LEKR1: variants seen among roughly 807,000 people sequenced by gnomAD.
LEKR1 encodes the protein leucine, glutamate and lysine rich 1.
In LEKR1, 59 loss-of-function variants were observed where a neutral mutation model predicts 72.4. That is an observed-to-expected ratio of 0.82 (90% CI 0.66 to 1.01). The LOEUF (loss-of-function observed/expected upper bound fraction) is 1.01. Ranked by LOEUF, LEKR1 falls within the 50% of genes least tolerant of loss-of-function variation. The pLI is 0.00. For missense variants in LEKR1, 728 were observed against 759.2 expected (o/e 0.96, Z 0.48); for synonymous variants, 257 against 263.2 (o/e 0.98, Z 0.23).
intron 3 of LEKR1, among the ~76,000 whole-genome samples, chr3:156,909,083 G>A (rs79401563): frequency 1.3e-5 from 2 of 152,066 alleles, no homozygotes; most frequent in African/African-American, 4.8e-5. Context: ...CCTTTCACAT[G>A]GTTCTCATTC....
intron 5 of LEKR1, among the ~76,000 whole-genome samples, chr3:156,936,286 G>C (rs1297224580): frequency 1.3e-5 from 2 of 152,060 alleles, no homozygotes; most frequent in African/African-American, 4.8e-5. Context: ...ACTGGCCTCT[G>C]TGTTGCTGGC....
At chr3:156,899,304 A>G (rs1050370573) in intron 3 of LEKR1, among the ~76,000 whole-genome samples, 4 of 146,130 alleles carry the variant, frequency 2.7e-5, no homozygotes, top group Non-Finnish European at 6.0e-5. Context: ...ATACATATAT[A>G]CATACACACA....
chr3:156,897,223 T>C (rs999823678), intron 3 of LEKR1, among the ~76,000 whole-genome samples: 14 of 152,192 alleles, frequency 9.2e-5, no homozygotes, highest in African/African-American at 3.4e-4. Context: ...GGTTGGAATC[T>C]TACCCCAAGA....
At chr3:156,924,386 G>C in intron 4 of LEKR1, 1 of 520,486 alleles carries the variant, frequency 1.9e-6, no homozygotes, top group Non-Finnish European at 3.4e-6. Flanking sequence ...TATGAACTAT[G>C]ATTTGCAAAT....
intron 6 of LEKR1, among the ~76,000 whole-genome samples, chr3:156,953,268 C>A (rs1727328509): frequency 6.6e-6 from 1 of 151,340 alleles, no homozygotes; most frequent in Non-Finnish European, 1.5e-5. Flanking sequence ...CACAGTTTCC[C>A]CTATGGTTAA....
At chr3:156,889,486 T>C (rs1366205935) in intron 3 of LEKR1, among the ~76,000 whole-genome samples, 38 of 152,182 alleles carry the variant, frequency 2.5e-4, no homozygotes, top group Non-Finnish European at 5.4e-4. Context: ...AAGAGAAACA[T>C]GCCAACTCTT....
intron 9 of LEKR1, among the ~76,000 whole-genome samples, chr3:157,000,683 G>A (rs1313870757): frequency 6.6e-6 from 1 of 152,174 alleles, no homozygotes; most frequent in Non-Finnish European, 1.5e-5. Context: ...CACCGGCCAT[G>A]TAAGATATTC....
intron 5 of LEKR1, among the ~76,000 whole-genome samples, chr3:156,933,071 TGA>T (rs1223517638): frequency 2.0e-5 from 3 of 152,132 alleles, no homozygotes; most frequent in Admixed American, 2.0e-4. Context: ...GAGCAGACAC[TGA>T]GAGTGTGCTA....
intron 9 of LEKR1, among the ~76,000 whole-genome samples, chr3:157,001,826 A>C (rs961393202): frequency 2.6e-4 from 39 of 152,350 alleles, no homozygotes; most frequent in African/African-American, 9.4e-4. Flanking sequence ...AGGGAGTTGT[A>C]TTAACATATT....
At chr3:156,867,227 T>A in intron 3 of LEKR1, among the ~76,000 whole-genome samples, 1 of 152,246 alleles carries the variant, frequency 6.6e-6, no homozygotes, top group East Asian at 1.9e-4. Flanking sequence ...CTGAGATAGC[T>A]TATTATAAGT....
intron 5 of LEKR1, among the ~76,000 whole-genome samples, chr3:156,932,352 T>G (rs1479178885): frequency 1.3e-5 from 2 of 152,220 alleles, no homozygotes; most frequent in African/African-American, 4.8e-5. Flanking sequence ...GACAATATGC[T>G]TTTAAATTTG....
intron 5 of LEKR1, among the ~76,000 whole-genome samples, chr3:156,931,375 A>T (rs112926457): frequency 6.6e-6 from 1 of 152,166 alleles, no homozygotes; most frequent in Non-Finnish European, 1.5e-5. Context: ...AGAGTACTGG[A>T]ATCCTTTTAC....
In LEKR1 at chr3:157,011,524, T is replaced by C. The variant is rs1340866167; in HGVS notation, c.1203+18T>C. The C allele has an allele frequency of 6.6e-7, 1 of 1,516,816 alleles. No individual in the cohort carries two copies. The highest frequency in any genetic ancestry group is 9.2e-7 in the Non-Finnish European group (1 of 1,091,604). 94.0% of individuals were successfully genotyped at this position (1,516,816 alleles called of 1,614,324 possible). A position where few individuals can be genotyped will look rare whatever the true frequency, so the allele number is the denominator to read the frequency against. On this transcript the variant is annotated intron_variant, in intron 10 of 12. Coordinates refer to ENST00000356539, the MANE Select transcript of LEKR1 (RefSeq NM_001004316.3). Reference sequence around the variant, plus strand: ...AGGAGAAGGTAATGGTAGTGTGGCTTTCATCAGCATGCAACCTATTTGCAT... The same window carrying C: ...AGGAGAAGGTAATGGTAGTGTGGCTCTCATCAGCATGCAACCTATTTGCAT...
chr3:156,966,874 C>T (rs1728656842), intron 6 of LEKR1, among the ~76,000 whole-genome samples: 1 of 152,152 alleles, frequency 6.6e-6, no homozygotes, highest in Admixed American at 6.5e-5. Context: ...TGGGAGGCAC[C>T]CCCCAGTAGG....
chr3:156,906,519 T>C (rs1722553344), intron 3 of LEKR1, among the ~76,000 whole-genome samples: 3 of 152,216 alleles, frequency 2.0e-5, no homozygotes, highest in Admixed American at 2.0e-4. Flanking sequence ...TACATCAACA[T>C]AGTGTTCACA....
At chr3:156,861,026 G>A (rs937378210) in intron 3 of LEKR1, among the ~76,000 whole-genome samples, 3 of 152,126 alleles carry the variant, frequency 2.0e-5, no homozygotes, top group African/African-American at 7.2e-5. Context: ...TGTGCTATTG[G>A]TCATGACTGC....
intron 3 of LEKR1, among the ~76,000 whole-genome samples, chr3:156,869,395 C>G (rs1386432999): frequency 6.6e-6 from 1 of 152,028 alleles, no homozygotes; most frequent in Non-Finnish European, 1.5e-5. Flanking sequence ...AGTAGCTGTT[C>G]TAACTGGGGT....
chr3:156,960,634 A>C (rs2107983398), intron 6 of LEKR1, among the ~76,000 whole-genome samples: 1 of 152,208 alleles, frequency 6.6e-6, no homozygotes, highest in East Asian at 1.9e-4. Flanking sequence ...AAAAACTTTT[A>C]ACTTTGTTTT....
intron 12 of LEKR1, 67 bp from the exon 13 acceptor site, chr3:157,045,271 TCC>T: frequency 1.5e-6 from 2 of 1,294,246 alleles, no homozygotes; most frequent in East Asian, 4.6e-5. Context: ...AATTGTATTG[TCC>T]GTAACTATCT....
Sources: gnomAD v4.1 joint callset for allele counts (sites outside exome capture counted in the v4.1 genomes callset) on GRCh38, gnomAD v4.1.1 for gene constraint, MANE v1.5 for transcripts, NCBI Gene and HGNC (gene_info 2026-07-23, HGNC 2026-07-21) for gene names.